Variants in R3HDM1 observed in about 807,000 individuals in gnomAD.
R3HDM1 encodes the protein R3H domain containing 1.
Under a neutral mutation model 141.1 loss-of-function variants are expected in R3HDM1, and 46 were observed. That is an observed-to-expected ratio of 0.33 (90% confidence interval 0.26 to 0.42). R3HDM1 has a LOEUF of 0.42. R3HDM1 is among the 10% of genes least tolerant of loss of function. The pLI, the probability that R3HDM1 is intolerant of heterozygous loss-of-function variation, is 1.00. For missense variants in R3HDM1, 1,184 were observed against 1,368.3 expected (o/e 0.87, Z 2.12); for synonymous variants, 435 against 472.9 (o/e 0.92, Z 1.04).
intron 7 of R3HDM1, among the ~76,000 whole-genome samples, chr2:135,626,945 G>A (rs2062108678): frequency 6.6e-6 from 1 of 152,024 alleles, no homozygotes; most frequent in Non-Finnish European, 1.5e-5. Flanking sequence ...TATTCACTTA[G>A]CATAATGTTT....
At chr2:135,717,329 C>T (rs990100192) in intron 24 of R3HDM1, among the ~76,000 whole-genome samples, 3 of 151,970 alleles carry the variant, frequency 2.0e-5, no homozygotes, top group Non-Finnish European at 4.4e-5. Flanking sequence ...ACTAAAAATA[C>T]AAAAATTAGC....
intron 7 of R3HDM1, among the ~76,000 whole-genome samples, chr2:135,630,295 A>AC (rs2062554745): frequency 6.8e-6 from 1 of 146,734 alleles, no homozygotes; most frequent in South Asian, 2.1e-4. Context: ...AAAAAAAAAA[A>AC]AAAAAAAAAA....
chr2:135,555,729 A>G lies in R3HDM1; in HGVS notation c.-250+24096A>G, dbSNP rs535244181. On this transcript the variant is annotated intron_variant, in intron 1 of 26. Coordinates refer to ENST00000683871, the MANE Select transcript of R3HDM1 (RefSeq NM_001378107.1). ...CCATGCAGTAGAACATTGTATGACA[A>G]TACGAAGCAATGAAGGGCCAGGCGA... Among the ~76,000 whole-genome samples the G allele has an allele frequency of 1.2e-4, 18 of 152,324 alleles. No homozygotes were observed. In the South Asian group the frequency reaches 3.7e-3, roughly 32 times the overall value.
intron 7 of R3HDM1, among the ~76,000 whole-genome samples, chr2:135,627,236 G>A (rs535905573): frequency 7.6e-4 from 115 of 152,208 alleles, no homozygotes; most frequent in African/African-American, 2.6e-3. Flanking sequence ...TCCCCCTGAA[G>A]CATTCAGGGT....
intron 1 of R3HDM1, among the ~76,000 whole-genome samples, chr2:135,562,851 A>C (rs1702043339): frequency 6.6e-6 from 1 of 152,210 alleles, no homozygotes. Context: ...GTAAATGTTA[A>C]CTGTTCCTTT....
At chr2:135,582,677 G>C (rs1048108380) in intron 1 of R3HDM1, among the ~76,000 whole-genome samples, 1 of 152,100 alleles carries the variant, frequency 6.6e-6, no homozygotes, top group African/African-American at 2.4e-5. Context: ...AACATCCTCT[G>C]CAGTCTATTT....
chr2:135,577,036 T>C (rs1163552958), intron 1 of R3HDM1: 1 of 839,620 alleles, frequency 1.2e-6, no homozygotes, highest in Non-Finnish European at 1.4e-6. Context: ...TAATTAGCTG[T>C]TACAAAAGAA....
In R3HDM1 at chr2:135,680,304, T is replaced by A. The variant is rs1194937087; in HGVS notation, c.2439T>A (p.Pro813=). 1 of 1,614,084 alleles carries A rather than the reference T, an allele frequency of 6.2e-7. No individual in the cohort carries two copies. Among genetic ancestry groups the A allele is most frequent in the Admixed American group, 1.7e-5 (1 of 60,018 alleles). ...GMPVYYSVIP[P]GQQNNLSSSV... is the part of the protein sequence containing the mutation. Reference sequence around the variant, plus strand: ...CTGTTTACTATAGTGTCATTCCACCTGGTCAACAAAACAATTTAAGGTGAG... The same window carrying A: ...CTGTTTACTATAGTGTCATTCCACCAGGTCAACAAAACAATTTAAGGTGAG... The change falls in exon 21 of 27, where the codon CCT becomes CCA. Residue 813 remains proline (P), a synonymous_variant. Coordinates refer to ENST00000683871, the MANE Select transcript of R3HDM1 (RefSeq NM_001378107.1).
In R3HDM1 at chr2:135,556,328, GC is replaced by G. The variant is rs199557178; in HGVS notation, c.-250+24697del. Among the ~76,000 whole-genome samples the G allele has an allele frequency of 1.2e-3, 188 of 152,232 alleles. 1 individual carries two copies. The highest frequency in any genetic ancestry group is 7.0e-3 in the East Asian group (36 of 5,170). ...GTCACACTACTCCGAATATACAAAA[GC>G]CATTTAATGGCTTTTATACCATTCG... On this transcript the variant is annotated intron_variant, in intron 1 of 26. Coordinates refer to ENST00000683871, the MANE Select transcript of R3HDM1 (RefSeq NM_001378107.1).
At chr2:135,680,886 G>A (rs943338190) in intron 21 of R3HDM1, among the ~76,000 whole-genome samples, 1 of 152,156 alleles carries the variant, frequency 6.6e-6, no homozygotes, top group Non-Finnish European at 1.5e-5. Context: ...CCAATCTTCT[G>A]TTACTCACAC....
intron 18 of R3HDM1, among the ~76,000 whole-genome samples, chr2:135,658,993 TCTC>T (rs2066282396): frequency 6.6e-6 from 1 of 152,006 alleles, no homozygotes; most frequent in African/African-American, 2.4e-5. Context: ...GGAGCTGTCA[TCTC>T]CTATGATAAC....
chr2:135,670,941 TC>T, intron 19 of R3HDM1, among the ~76,000 whole-genome samples: 1 of 151,790 alleles, frequency 6.6e-6, no homozygotes, highest in East Asian at 1.9e-4. Context: ...CACCTGCAAT[TC>T]CAGTTACTCA....
intron 1 of R3HDM1, among the ~76,000 whole-genome samples, chr2:135,564,918 AT>A (rs1397233097): frequency 6.6e-6 from 1 of 152,124 alleles, no homozygotes; most frequent in African/African-American, 2.4e-5. Context: ...CCTTTTTCTT[AT>A]TTTAACTAAA....
intron 1 of R3HDM1, among the ~76,000 whole-genome samples, chr2:135,578,651 C>A (rs1706064240): frequency 6.6e-6 from 1 of 152,154 alleles, no homozygotes; most frequent in African/African-American, 2.4e-5. Context: ...AAGAAAAGAA[C>A]TAAGTAACTT....
At chr2:135,647,644 CAG>C (rs1433831734) in intron 16 of R3HDM1, among the ~76,000 whole-genome samples, 1 of 152,178 alleles carries the variant, frequency 6.6e-6, no homozygotes, top group African/African-American at 2.4e-5. Context: ...GATCCAGAAA[CAG>C]AGACTCAAAA....
In R3HDM1 at chr2:135,675,402, G is replaced by C. The variant is rs143127486; in HGVS notation, c.2223G>C (p.Gln741His). 1.9e-6 allele frequency: 3 copies of C among 1,613,876 alleles called. No individual in the cohort carries two copies. In the African/African-American group the frequency reaches 4.0e-5, roughly 22 times the overall value. Residue 741 changes from glutamine to histidine, a missense_variant, in exon 20 of 27, where the codon CAG (glutamine) becomes CAC (histidine). Gln to His is a conservative substitution (Grantham distance 24). Transcript: ENST00000683871. ...GIVGVQQPQSQSLVSGQPNSI... is the reference protein window; with the variant it reads ...GIVGVQQPQSHSLVSGQPNSI... ...TTGGAGTTCAGCAACCCCAGAGTCA[G>C]AGCCTAGTCAGTGGCCAACCCAACA...
chr2:135,540,180 T>C (rs1390962990), intron 1 of R3HDM1, among the ~76,000 whole-genome samples: 1 of 152,204 alleles, frequency 6.6e-6, no homozygotes, highest in Non-Finnish European at 1.5e-5. Flanking sequence ...CATGAACAAA[T>C]AATGATATCA....
At chr2:135,618,088 A>G (rs2061201786) in intron 5 of R3HDM1, among the ~76,000 whole-genome samples, 1 of 152,228 alleles carries the variant, frequency 6.6e-6, no homozygotes, top group African/African-American at 2.4e-5. Flanking sequence ...GATTGTTGTC[A>G]ATGAAATGTA....
intron 26 of R3HDM1, 118 bp from the exon 27 acceptor site, chr2:135,723,819 G>C: frequency 2.1e-6 from 1 of 466,180 alleles, no homozygotes; most frequent in Non-Finnish European, 3.9e-6. Flanking sequence ...GGCCCTAACA[G>C]TTTTAATTTT....
Sources: allele counts gnomAD v4.1 joint callset (sites outside exome capture counted in the v4.1 genomes callset), GRCh38; gene constraint gnomAD v4.1.1; transcripts MANE v1.5; gene names NCBI Gene and HGNC (gene_info 2026-07-23, HGNC 2026-07-21).